The following CERKL variants were observed in gnomAD, a reference collection of about 807,000 sequenced individuals.
The protein encoded by CERKL is CERK like autophagy regulator, also known as ceramide kinase-like protein.
Under a neutral mutation model 63.4 loss-of-function variants are expected in CERKL, and 61 were observed. The ratio of observed to expected loss-of-function variants is 0.96; its 90% CI spans 0.78 to 1.19. The LOEUF is 1.19. Among genes scored for constraint, CERKL ranks in the 50% most tolerant of loss-of-function variants. CERKL has a pLI of 0.00. For synonymous variants in CERKL, 250 were observed against 230.5 expected (o/e 1.08, Z -0.77); for missense variants, 675 against 655.5 (o/e 1.03, Z -0.33).
At chr2:181,652,182 C>A (rs1687968741) in intron 1 of CERKL, among the ~76,000 whole-genome samples, 1 of 152,048 alleles carries the variant, frequency 6.6e-6, no homozygotes, top group Non-Finnish European at 1.5e-5. Flanking sequence ...AAAAAAAACC[C>A]CAAATAGCCA....
At position 181,579,449 on chromosome 2, in the gene CERKL, G is replaced by T. The variant is rs184946104; in HGVS notation, c.482-5565C>A. ...TTTTTTCCATGAACTTTCTATGTAT[G>T]TCACTTGCCAATTCTTCATATTTTC... On this transcript the variant is annotated intron_variant, in intron 2 of 12. Transcript: ENST00000410087. Among the ~76,000 whole-genome samples, 47 of 151,922 alleles carry T rather than the reference G, an allele frequency of 3.1e-4. 3 individuals carry two copies. The highest frequency in any genetic ancestry group is 1.1e-3 in the African/African-American group (45 of 41,328).
intron 2 of CERKL, among the ~76,000 whole-genome samples, chr2:181,574,796 C>G (rs1321317524): frequency 4.6e-5 from 7 of 152,104 alleles, no homozygotes; most frequent in Non-Finnish European, 1.0e-4. Context: ...TGAAAATTGT[C>G]CACTACAAGA....
chr2:181,593,273 GATAA>G (rs1399379461), intron 2 of CERKL, among the ~76,000 whole-genome samples: 1 of 152,106 alleles, frequency 6.6e-6, no homozygotes, highest in Non-Finnish European at 1.5e-5. Flanking sequence ...AGTAAAAAGA[GATAA>G]ATAGAGGACC....
chr2:181,537,185 T>A lies in CERKL; in HGVS notation c.*999A>T, dbSNP rs182251976. ...TCTTTCAGGAGAACATCTAGGATCA[T>A]AGATGAAAAATCAAGCCCCGATTTA... is the stretch of plus-strand genomic sequence containing the variant. On this transcript the variant is annotated 3_prime_UTR_variant, in exon 13 of 13. Coordinates refer to ENST00000410087, the MANE Select transcript of CERKL (RefSeq NM_201548.5). 3 of 453,982 alleles carry A rather than the reference T, an allele frequency of 6.6e-6. No homozygotes were observed. The highest frequency in any genetic ancestry group is 1.4e-4 in the East Asian group (2 of 14,380). The allele number at this position is 453,982 out of a possible 1,614,324, so 28.1% of individuals were successfully genotyped here.
chr2:181,642,727 CT>C (rs1389126971), intron 1 of CERKL, among the ~76,000 whole-genome samples: 1 of 151,764 alleles, frequency 6.6e-6, no homozygotes, highest in Non-Finnish European at 1.5e-5. Context: ...ATTCAAAGGC[CT>C]AGTTTTATTT....
chr2:181,604,495 T>TA (rs2105894998), intron 1 of CERKL, among the ~76,000 whole-genome samples: 1 of 152,204 alleles, frequency 6.6e-6, no homozygotes, highest in South Asian at 2.1e-4. Flanking sequence ...AGAATTAGAT[T>TA]AAAAATAGAA....
chr2:181,614,189 G>A (rs1686092761), intron 1 of CERKL, among the ~76,000 whole-genome samples: 1 of 152,196 alleles, frequency 6.6e-6, no homozygotes, highest in African/African-American at 2.4e-5. Flanking sequence ...GGTTTCTCAG[G>A]TTTCCAGGTG....
chr2:181,641,590 T>C (rs1687445766), intron 1 of CERKL, among the ~76,000 whole-genome samples: 1 of 152,060 alleles, frequency 6.6e-6, no homozygotes, highest in Non-Finnish European at 1.5e-5. Flanking sequence ...CAGTTCTACA[T>C]TCAGGTTCAT....
At chr2:181,553,347 G>C (rs775002347) in intron 5 of CERKL, among the ~76,000 whole-genome samples, 15 of 152,120 alleles carry the variant, frequency 9.9e-5, no homozygotes, top group Non-Finnish European at 1.9e-4. Context: ...TTTTGGAGGA[G>C]GCCACATAAT....
intron 2 of CERKL, among the ~76,000 whole-genome samples, chr2:181,597,172 T>C (rs1685252341): frequency 6.6e-6 from 1 of 152,194 alleles, no homozygotes; most frequent in Non-Finnish European, 1.5e-5. Context: ...CAGTCCAAGA[T>C]AAATAGTAGT....
chr2:181,653,285 A>G (rs1263189762), intron 1 of CERKL, among the ~76,000 whole-genome samples: 1 of 152,268 alleles, frequency 6.6e-6, no homozygotes, highest in Non-Finnish European at 1.5e-5. Flanking sequence ...TATGGAGAAA[A>G]GGGAACACTT....
intron 3 of CERKL, among the ~76,000 whole-genome samples, chr2:181,567,255 C>G (rs956174543): frequency 2.6e-5 from 4 of 152,028 alleles, no homozygotes; most frequent in African/African-American, 9.7e-5. Flanking sequence ...AAGATGTGTG[C>G]TGATCATTCA....
At chr2:181,595,136 T>G (rs1378624495) in intron 2 of CERKL, among the ~76,000 whole-genome samples, 2 of 152,208 alleles carry the variant, frequency 1.3e-5, no homozygotes, top group Non-Finnish European at 2.9e-5. Flanking sequence ...TTTACAGAAT[T>G]TGTGTTTTGC....
intron 2 of CERKL, among the ~76,000 whole-genome samples, chr2:181,576,502 G>A (rs534748031): frequency 1.1e-3 from 165 of 152,292 alleles, no homozygotes; most frequent in African/African-American, 1.4e-3. Context: ...ACCGAAACAC[G>A]ACAGGCCAGG....
chr2:181,582,516 C>CATATATATATATAT (rs59483712), intron 2 of CERKL, among the ~76,000 whole-genome samples: 5 of 142,936 alleles, frequency 3.5e-5, no homozygotes, highest in East Asian at 2.0e-4. Flanking sequence ...ATATTGTCAA[C>CATATATATATATAT]ATATATATAT....
At chr2:181,639,005 T>C (rs963081320) in intron 1 of CERKL, among the ~76,000 whole-genome samples, 1 of 152,110 alleles carries the variant, frequency 6.6e-6, no homozygotes, top group Non-Finnish European at 1.5e-5. Flanking sequence ...GGAAGAAGAA[T>C]CTGTGGATGA....
intron 2 of CERKL, among the ~76,000 whole-genome samples, chr2:181,597,417 C>T (rs1433383934): frequency 6.6e-6 from 1 of 152,126 alleles, no homozygotes; most frequent in Non-Finnish European, 1.5e-5. Context: ...GCCAGCTCTT[C>T]TTAGAAAGAA....
chr2:181,538,952 C>T (rs1295611435), intron 12 of CERKL, 140 bp downstream of exon 12: 3 of 681,730 alleles, frequency 4.4e-6, no homozygotes, highest in Non-Finnish European at 7.8e-6. Flanking sequence ...TTGTGCATGT[C>T]TCTTTATGCT....
At chr2:181,644,740 T>G (rs1257571499) in intron 1 of CERKL, among the ~76,000 whole-genome samples, 1 of 152,158 alleles carries the variant, frequency 6.6e-6, no homozygotes, top group East Asian at 1.9e-4. Flanking sequence ...TGTCTCAGTA[T>G]AGGAGATCCA....
Sources: gnomAD v4.1 joint callset for allele counts (sites outside exome capture counted in the v4.1 genomes callset) on GRCh38, gnomAD v4.1.1 for gene constraint, MANE v1.5 for transcripts, NCBI Gene and HGNC (gene_info 2026-07-23, HGNC 2026-07-21) for gene names.